C10orf67: variants seen among roughly 807,000 people sequenced by gnomAD.
The protein encoded by C10orf67 is uncharacterized protein C10orf67, mitochondrial.
Under a neutral mutation model 35.6 loss-of-function variants are expected in C10orf67, and 60 were observed. The ratio of observed to expected loss-of-function variants is 1.68; its 90% confidence interval spans 1.37 to 2.09. The LOEUF (loss-of-function observed/expected upper bound fraction) is 2.09, where lower values mean the gene tolerates loss of function less well. Ranked by LOEUF, C10orf67 falls within the 30% of genes most tolerant of loss-of-function variation. The pLI is 0.00. For synonymous variants in C10orf67, 167 were observed against 115.8 expected, an observed-to-expected ratio of 1.44 and a Z score of -2.84; for missense variants, 474 against 330.2, an observed-to-expected ratio of 1.44 and a Z score of -3.38.
chr10:23,255,172 G>A (rs1367854552), intron 10 of C10orf67, among the ~76,000 whole-genome samples: 1 of 152,178 alleles, frequency 6.6e-6, no homozygotes, highest in African/African-American at 2.4e-5. Flanking sequence ...GAGAGAAGAG[G>A]CTGAGAATTG....
intron 8 of C10orf67, among the ~76,000 whole-genome samples, chr10:23,269,844 C>T (rs796808016): frequency 2.0e-5 from 3 of 151,776 alleles, no homozygotes; most frequent in African/African-American, 7.3e-5. Context: ...CGATCACAAA[C>T]GTGTATGTGC....
intron 10 of C10orf67, among the ~76,000 whole-genome samples, chr10:23,265,130 C>T (rs1186191669): frequency 1.3e-5 from 2 of 152,198 alleles, no homozygotes; most frequent in Admixed American, 6.5e-5. Context: ...TAGCTCTCTG[C>T]GAAGTGGAAA....
At chr10:23,217,814 C>T (rs889448698) in intron 15 of C10orf67, among the ~76,000 whole-genome samples, 1 of 152,114 alleles carries the variant, frequency 6.6e-6, no homozygotes, top group Non-Finnish European at 1.5e-5. Context: ...ATAAGACAGT[C>T]CATCAAATTA....
chr10:23,204,303 A>G (rs1278416228), intron 15 of C10orf67, 48 bp from the exon 16 acceptor site: 2 of 543,590 alleles, frequency 3.7e-6, no homozygotes, highest in Non-Finnish European at 6.8e-6. Flanking sequence ...TTTACTTATC[A>G]TACACAGACC....
chr10:23,312,738 C>T (rs997398163), intron 4 of C10orf67, among the ~76,000 whole-genome samples: 5 of 152,106 alleles, frequency 3.3e-5, no homozygotes, highest in Non-Finnish European at 4.4e-5. Flanking sequence ...CTTTTTCAAA[C>T]GTTAAATGTT....
At chr10:23,246,571 T>A (rs1842321443) in intron 12 of C10orf67, among the ~76,000 whole-genome samples, 1 of 152,092 alleles carries the variant, frequency 6.6e-6, no homozygotes, top group Non-Finnish European at 1.5e-5. Flanking sequence ...TCACCAGATC[T>A]TACAGATACA....
intron 8 of C10orf67, among the ~76,000 whole-genome samples, chr10:23,273,297 A>C (rs1172835605): frequency 6.6e-6 from 1 of 152,170 alleles, no homozygotes; most frequent in Non-Finnish European, 1.5e-5. Context: ...TTCACTATCA[A>C]CCATGATAAT....
At chr10:23,270,221 C>T (rs942667829) in intron 8 of C10orf67, among the ~76,000 whole-genome samples, 1 of 152,152 alleles carries the variant, frequency 6.6e-6, no homozygotes, top group Non-Finnish European at 1.5e-5. Context: ...ACCTGACCCA[C>T]AGAGAATGAA....
intron 12 of C10orf67, among the ~76,000 whole-genome samples, chr10:23,241,076 ACAGAGAATTAGCC>A (rs1275575572): frequency 1.3e-5 from 2 of 152,240 alleles, no homozygotes; most frequent in African/African-American, 4.8e-5. Context: ...ACCTTGAGTC[ACAGAGAATTAGCC>A]CAGGCCTTGA....
chr10:23,338,289 A>T (rs1845762421), intron 1 of C10orf67, among the ~76,000 whole-genome samples: 2 of 152,272 alleles, frequency 1.3e-5, no homozygotes, highest in Middle Eastern at 3.4e-3. Context: ...TCAGGAGTTC[A>T]ACAATGTGGT....
intron 13 of C10orf67, among the ~76,000 whole-genome samples, chr10:23,236,408 G>T (rs1022443722): frequency 1.3e-5 from 2 of 151,888 alleles, no homozygotes; most frequent in African/African-American, 4.8e-5. Context: ...CTCCAGCCTG[G>T]CAACAGAGTG....
At chr10:23,235,066 AT>A (rs887992885) in intron 13 of C10orf67, among the ~76,000 whole-genome samples, 3 of 151,692 alleles carry the variant, frequency 2.0e-5, no homozygotes, top group Non-Finnish European at 4.4e-5. Flanking sequence ...AAGGATTTAC[AT>A]TACCTGATTT....
intron 10 of C10orf67, among the ~76,000 whole-genome samples, chr10:23,257,559 T>C (rs1326701416): frequency 1.3e-5 from 2 of 152,106 alleles, no homozygotes; most frequent in Non-Finnish European, 2.9e-5. Context: ...TCCCAGCACT[T>C]TGGGGGGCCA....
At chr10:23,243,981 T>A (rs1030647966) in intron 12 of C10orf67, among the ~76,000 whole-genome samples, 1 of 152,198 alleles carries the variant, frequency 6.6e-6, no homozygotes, top group African/African-American at 2.4e-5. Context: ...AGCCTTGACC[T>A]CGTGGGTCCA....
intron 5 of C10orf67, 27 bp downstream of exon 5, chr10:23,303,277 T>G: frequency 2.0e-6 from 1 of 499,024 alleles, no homozygotes; most frequent in Non-Finnish European, 3.6e-6. Context: ...TATATTAAAA[T>G]TAATTATTCC....
intron 1 of C10orf67, among the ~76,000 whole-genome samples, chr10:23,335,422 T>C (rs548705443): frequency 6.6e-6 from 1 of 152,248 alleles, no homozygotes; most frequent in South Asian, 2.1e-4. Flanking sequence ...TTATGGAAAA[T>C]AATAGTCCCC....
At position 23,210,235 on chromosome 10, in the gene C10orf67, G is replaced by A. The variant is rs79292385; in HGVS notation, c.1571-5980C>T. Reference sequence around the variant, plus strand: ...CCCTCAAGCAGGTTCACATCAAAAGGAAGGAGGGGCAGAGGGCAGCTGCTT... The same window carrying A: ...CCCTCAAGCAGGTTCACATCAAAAGAAAGGAGGGGCAGAGGGCAGCTGCTT... On this transcript the variant is annotated intron_variant, in intron 15 of 15. Transcript: ENST00000636213. 3.0e-3 allele frequency among the ~76,000 whole-genome samples: 461 copies of A among 152,246 alleles called. 12 individuals carry two copies. The East Asian group carries it at 0.05, about 16-fold the overall frequency.
intron 8 of C10orf67, among the ~76,000 whole-genome samples, chr10:23,268,162 G>T (rs1842930871): frequency 6.6e-6 from 1 of 152,088 alleles, no homozygotes; most frequent in Non-Finnish European, 1.5e-5. Flanking sequence ...AGGTGTGGTG[G>T]TGTGTACCTA....
At chr10:23,236,641 C>T (rs1038708392) in intron 13 of C10orf67, among the ~76,000 whole-genome samples, 5 of 151,962 alleles carry the variant, frequency 3.3e-5, no homozygotes, top group African/African-American at 1.2e-4. Context: ...CTTTTGGGAG[C>T]CCAAGGTGGG....
Sources: allele counts gnomAD v4.1 joint callset (sites outside exome capture counted in the v4.1 genomes callset), GRCh38; gene constraint gnomAD v4.1.1; transcripts MANE v1.5; gene names NCBI Gene and HGNC (gene_info 2026-07-23, HGNC 2026-07-21).